The following NINJ2 variants were observed in gnomAD, a reference collection of about 807,000 sequenced individuals.
NINJ2 encodes the protein ninjurin-2.
In NINJ2, 12 loss-of-function variants were observed where a neutral mutation model predicts 11.7. That is an observed-to-expected ratio of 1.02 (90% confidence interval 0.66 to 1.66). NINJ2 has a LOEUF of 1.66. NINJ2 is among the 40% of genes most tolerant of loss of function. NINJ2 has a pLI of 0.00. For missense variants in NINJ2, 187 were observed against 181.8 expected (o/e 1.03, Z -0.16); for synonymous variants, 93 against 76.8 (o/e 1.21, Z -1.10).
chr12:568,743 A>T (rs1348384254), intron 1 of NINJ2, among the ~76,000 whole-genome samples: 1 of 152,210 alleles, frequency 6.6e-6, no homozygotes, highest in Non-Finnish European at 1.5e-5. Flanking sequence ...CACAGAGGGT[A>T]ATCAGGAGTG....
At chr12:621,742 G>A (rs1212850899) in intron 1 of NINJ2, among the ~76,000 whole-genome samples, 1 of 151,848 alleles carries the variant, frequency 6.6e-6, no homozygotes, top group Admixed American at 6.5e-5. Context: ...ACTTGAACCC[G>A]GGAGGCAGAG....
rs554007247 is a variant in NINJ2 at position 566,171 on chromosome 12, C to A, written c.41G>T (p.Ser14Ile). 1 of 1,613,092 alleles carries A rather than the reference C, an allele frequency of 6.2e-7. No homozygotes were observed. The highest frequency in any genetic ancestry group is 1.3e-5 in the African/African-American group (1 of 74,892). The stretch of plus-strand genomic sequence containing the variant: ...GATGGGCTGGCTCCTGGGGTCGGAG[C>A]TTCCAGGCTGTAGGGGAGAAAGCAC... ...ARENIDLQPGSSDPRSQPINL... is the reference protein window; with the variant it reads ...ARENIDLQPGISDPRSQPINL... Residue 14 changes from serine to isoleucine, a missense_variant, in exon 2 of 4, where the codon AGC (serine) becomes ATC (isoleucine). By Grantham distance (142) the Ser-to-Ile change is moderately radical (BLOSUM62 -2). Transcript: ENST00000305108.
chr12:651,821 G>C (rs1937790317), intron 1 of NINJ2, among the ~76,000 whole-genome samples: 1 of 152,196 alleles, frequency 6.6e-6, no homozygotes, highest in Admixed American at 6.5e-5. Context: ...CCATTGATGG[G>C]CTCATTAGTA....
chr12:587,921 G>T (rs1282116443), intron 1 of NINJ2, among the ~76,000 whole-genome samples: 2 of 152,134 alleles, frequency 1.3e-5, no homozygotes, highest in Non-Finnish European at 2.9e-5. Flanking sequence ...ACTCCTTCAG[G>T]GTAGGAGCCG....
chr12:655,194 T>C (rs916724286), intron 1 of NINJ2, among the ~76,000 whole-genome samples: 11 of 152,230 alleles, frequency 7.2e-5, no homozygotes, highest in Non-Finnish European at 1.0e-4. Context: ...GCTTCATACA[T>C]TGAATTTGCA....
At chr12:641,930 A>G (rs921143345) in intron 1 of NINJ2, among the ~76,000 whole-genome samples, 2 of 152,178 alleles carry the variant, frequency 1.3e-5, no homozygotes, top group African/African-American at 2.4e-5. Flanking sequence ...CTGGCTCAGA[A>G]AAGACCTGTC....
chr12:618,838 C>T (rs1948122792), intron 1 of NINJ2, among the ~76,000 whole-genome samples: 1 of 152,230 alleles, frequency 6.6e-6, no homozygotes, highest in African/African-American at 2.4e-5. Flanking sequence ...AAACACCCGA[C>T]TCCCTCCATC....
rs1947624404 is a variant in NINJ2 at position 585,537 on chromosome 12, AGGGAAGGGAAGGGAACGG to A, written c.34-19377_34-19360del. 1.4e-5 allele frequency among the ~76,000 whole-genome samples: 1 copy of A among 70,488 alleles called. No homozygotes were observed. The highest frequency in any genetic ancestry group is 5.3e-5 in the African/African-American group (1 of 18,936). 46.2% of individuals were successfully genotyped at this position (70,488 alleles called of 152,430 possible). ...GGAGGGAAGGGAAGGGAACGGTTGG[AGGGAAGGGAAGGGAACGG>A]TTGGAGGGAAGGGAGGCTGAGCACA... On this transcript the variant is annotated intron_variant, in intron 1 of 3. Coordinates refer to ENST00000305108, the MANE Select transcript of NINJ2 (RefSeq NM_016533.6). This position sits in a 1 kb window ranked among gnomAD's most constrained non-coding sequence, Gnocchi z 4.1.
At chr12:582,011 G>C (rs77036095) in intron 1 of NINJ2, among the ~76,000 whole-genome samples, 2 of 152,124 alleles carry the variant, frequency 1.3e-5, no homozygotes, top group Non-Finnish European at 2.9e-5. Flanking sequence ...CAGGCTCCCT[G>C]TGCATCCCCC....
intron 1 of NINJ2, among the ~76,000 whole-genome samples, chr12:594,758 C>T (rs1421003501): frequency 6.6e-6 from 1 of 152,196 alleles, no homozygotes; most frequent in African/African-American, 2.4e-5. Context: ...TTCTTCCTAA[C>T]TTGATCTATA....
chr12:574,564 G>T (rs1182264812), intron 1 of NINJ2, among the ~76,000 whole-genome samples: 3 of 151,832 alleles, frequency 2.0e-5, no homozygotes, highest in Non-Finnish European at 4.4e-5. Context: ...GGTGAGCTTG[G>T]CTCCCTTCCT....
chr12:591,947 G>GC lies in NINJ2; in HGVS notation c.34-25770dup, dbSNP rs1213533627. ...GCGTTTTTCCCGGGTCACTCCCTTT[G>GC]CCCCTCCTGCTCTGCTCATCCTTCC... On this transcript the variant is annotated intron_variant, in intron 1 of 3. Transcript: ENST00000305108. This position sits in a 1 kb window ranked among gnomAD's most constrained non-coding sequence, Gnocchi z 5.0. Among the ~76,000 whole-genome samples, 3 of 151,984 alleles carry GC rather than the reference G, an allele frequency of 2.0e-5. No homozygotes were observed. The highest frequency in any genetic ancestry group is 6.6e-5 in the Admixed American group (1 of 15,254).
At chr12:604,070 T>C (rs995766139) in intron 1 of NINJ2, among the ~76,000 whole-genome samples, 3 of 152,240 alleles carry the variant, frequency 2.0e-5, no homozygotes, top group Non-Finnish European at 2.9e-5. Context: ...TAAGTTTTCC[T>C]GTTGGGACGC....
intron 1 of NINJ2, among the ~76,000 whole-genome samples, chr12:634,032 T>C (rs1246302294): frequency 6.6e-6 from 1 of 152,142 alleles, no homozygotes; most frequent in Non-Finnish European, 1.5e-5. Context: ...TCCACATTCA[T>C]TCCTGAATCT....
At chr12:623,392 T>A (rs899289660) in intron 1 of NINJ2, among the ~76,000 whole-genome samples, 1 of 152,162 alleles carries the variant, frequency 6.6e-6, no homozygotes, top group Admixed American at 6.5e-5. Flanking sequence ...GACACACCTT[T>A]CCCCAGGGTT....
At chr12:632,519 A>C (rs1290140981) in intron 1 of NINJ2, 1 of 152,314 alleles carries the variant, frequency 6.6e-6, no homozygotes, top group Non-Finnish European at 1.5e-5. Flanking sequence ...CCCACAGGAC[A>C]CTTGCTCTCT....
intron 1 of NINJ2, among the ~76,000 whole-genome samples, chr12:601,651 G>C (rs1256461957): frequency 6.6e-6 from 1 of 152,108 alleles, no homozygotes; most frequent in Non-Finnish European, 1.5e-5. Context: ...TTCACCTCAG[G>C]TCAGGAGTTT....
chr12:629,651 G>T (rs1353927665), intron 1 of NINJ2, among the ~76,000 whole-genome samples: 1 of 151,454 alleles, frequency 6.6e-6, no homozygotes, highest in Non-Finnish European at 1.5e-5. Flanking sequence ...ACTTTGGGAG[G>T]CCGAGGCAGG....
rs1431252828 is a variant in NINJ2 at position 638,063 on chromosome 12, A to C, written c.33+25265T>G. 3.3e-5 allele frequency among the ~76,000 whole-genome samples: 5 copies of C among 152,216 alleles called. No homozygotes were observed. The East Asian group carries it at 9.6e-4, about 29-fold the overall frequency. ...GGAAAACAACAAAGGCCTCTACCAG[A>C]AGGTGGGAGTGGGAACTCTCCCCTG... On this transcript the variant is annotated intron_variant, in intron 1 of 3. Transcript: ENST00000305108.
Sources: gnomAD v4.1 joint callset for allele counts (sites outside exome capture counted in the v4.1 genomes callset) on GRCh38, gnomAD v4.1.1 for gene constraint, Gnocchi (gnomAD v3.1) non-coding constraint, MANE v1.5 for transcripts, NCBI Gene and HGNC (gene_info 2026-07-23, HGNC 2026-07-21) for gene names.